CHN1: variants seen among roughly 807,000 people sequenced by gnomAD.
CHN1 encodes the protein chimerin 1.
In CHN1, 37 loss-of-function variants were observed where a neutral mutation model predicts 59.5. The observed-to-expected ratio is 0.62, with a 90% confidence interval of 0.48 to 0.82. The LOEUF is 0.82. Ranked by LOEUF, CHN1 falls within the 40% of genes least tolerant of loss-of-function variation. CHN1 has a pLI of 0.00. For synonymous variants in CHN1, 206 were observed against 200.4 expected, an observed-to-expected ratio of 1.03 and a Z score of -0.24; for missense variants, 469 against 571.0, an observed-to-expected ratio of 0.82 and a Z score of 1.82.
chr2:174,843,938 T>C (rs2105431231), intron 7 of CHN1, among the ~76,000 whole-genome samples: 1 of 151,440 alleles, frequency 6.6e-6, no homozygotes, highest in Non-Finnish European at 1.5e-5. Context: ...GAGTTTTATT[T>C]TTAATGTTAG....
rs1415714363 is a variant in CHN1, at chr2:174,802,071, GGAGTCT to G, written c.1103-265_1103-260del. ...TCCAGTTTTGTCACTTGAGTATCTT[GGAGTCT>G]GACAACTTTCGAAATTGGACATGGA... On this transcript the variant is annotated intron_variant, in intron 11 of 12. Coordinates refer to ENST00000409900, the MANE Select transcript of CHN1 (RefSeq NM_001822.7). 1.4e-5 allele frequency: 5 copies of G among 346,220 alleles called. No homozygotes were observed. In the Admixed American group the frequency reaches 2.0e-4, roughly 14 times the overall value. The allele number at this position is 346,220 out of a possible 1,614,324, so 21.4% of individuals were successfully genotyped here.
Position 174,847,643 on chromosome 2 carries a change from G to T in CHN1, c.550-686C>A, listed in dbSNP as rs992213459. ...GGATTTCACAAGGAAGGCTGCATTA[G>T]ATTGGCCACCGTAAGAAAGGAGATA... On this transcript the variant is annotated intron_variant, in intron 6 of 12. Coordinates refer to ENST00000409900, the MANE Select transcript of CHN1 (RefSeq NM_001822.7). 10 of 1,324,372 alleles carry T rather than the reference G, an allele frequency of 7.6e-6. No homozygotes were observed. The African/African-American group carries it at 1.5e-4, about 20-fold the overall frequency. 82.0% of individuals were successfully genotyped at this position (1,324,372 alleles called of 1,614,324 possible). A position where few individuals can be genotyped will look rare whatever the true frequency, so the allele number is the denominator to read the frequency against.
intron 9 of CHN1, among the ~76,000 whole-genome samples, chr2:174,811,811 G>A (rs1403854041): frequency 6.6e-6 from 1 of 152,168 alleles, no homozygotes; most frequent in African/African-American, 2.4e-5. Flanking sequence ...GTCTAATTAA[G>A]TGAAATATGT....
chr2:175,004,558 C>A (rs149412160), intron 1 of CHN1, among the ~76,000 whole-genome samples: 1 of 152,210 alleles, frequency 6.6e-6, no homozygotes, highest in Non-Finnish European at 1.5e-5. Flanking sequence ...TATTTACCGA[C>A]GGGAAAGGCA....
chr2:174,952,522 T>G (rs1690054385), intron 1 of CHN1, among the ~76,000 whole-genome samples: 1 of 152,246 alleles, frequency 6.6e-6, no homozygotes, highest in African/African-American at 2.4e-5. Context: ...TTCTTTGGGC[T>G]TAATGATTAT....
intron 8 of CHN1, among the ~76,000 whole-genome samples, chr2:174,819,720 T>G (rs1685414811): frequency 6.6e-6 from 1 of 151,974 alleles, no homozygotes; most frequent in Admixed American, 6.5e-5. Flanking sequence ...ATGTGCAGGT[T>G]AGTTACATAT....
intron 11 of CHN1, 124 bp from the exon 12 acceptor site, chr2:174,801,936 T>A: frequency 1.4e-6 from 1 of 722,046 alleles, no homozygotes; most frequent in South Asian, 1.5e-5. Flanking sequence ...TCGTAATTCC[T>A]TGTCCACAGC....
intron 11 of CHN1, among the ~76,000 whole-genome samples, chr2:174,805,863 C>T (rs1684869841): frequency 6.6e-6 from 1 of 152,168 alleles, no homozygotes; most frequent in African/African-American, 2.4e-5. Context: ...CCAGAGATTT[C>T]AAGTTGCTTG....
intron 5 of CHN1, among the ~76,000 whole-genome samples, chr2:174,883,261 G>A (rs1324375440): frequency 6.6e-6 from 1 of 152,160 alleles, no homozygotes; most frequent in Non-Finnish European, 1.5e-5. Flanking sequence ...CATGGCAGAA[G>A]ACTTAAGTTC....
chr2:174,807,318 T>C (rs1023172104), intron 11 of CHN1, among the ~76,000 whole-genome samples: 1 of 152,202 alleles, frequency 6.6e-6, no homozygotes, highest in East Asian at 1.9e-4. Context: ...GCTGATTGTG[T>C]GCCCCAGAGT....
chr2:174,860,304 A>G (rs1376758805), intron 6 of CHN1, among the ~76,000 whole-genome samples: 1 of 152,208 alleles, frequency 6.6e-6, no homozygotes, highest in Non-Finnish European at 1.5e-5. Context: ...GGGTAAAACA[A>G]TTAAACAAGT....
intron 5 of CHN1, among the ~76,000 whole-genome samples, chr2:174,910,187 A>C (rs979094762): frequency 5.3e-5 from 8 of 152,068 alleles, no homozygotes; most frequent in Non-Finnish European, 1.2e-4. Context: ...TTCTTTTTCC[A>C]GTTTTCTTCT....
At chr2:174,959,131 T>C (rs1395880095) in intron 1 of CHN1, among the ~76,000 whole-genome samples, 2 of 152,240 alleles carry the variant, frequency 1.3e-5, no homozygotes, top group African/African-American at 4.8e-5. Context: ...AAATATATTT[T>C]CCTAGCAATC....
chr2:174,992,251 T>C (rs1691567475), intron 1 of CHN1, among the ~76,000 whole-genome samples: 1 of 152,210 alleles, frequency 6.6e-6, no homozygotes, highest in Non-Finnish European at 1.5e-5. Context: ...ATGTGGCGTC[T>C]GAAGTGTCTA....
At chr2:174,961,811 T>C (rs990864276) in intron 1 of CHN1, among the ~76,000 whole-genome samples, 1 of 152,126 alleles carries the variant, frequency 6.6e-6, no homozygotes, top group African/African-American at 2.4e-5. Flanking sequence ...TTCTAGAAGA[T>C]TCAATTAGAT....
At chr2:174,895,939 TAA>T (rs1688206575) in intron 5 of CHN1, among the ~76,000 whole-genome samples, 1 of 152,106 alleles carries the variant, frequency 6.6e-6, no homozygotes, top group African/African-American at 2.4e-5. Context: ...ACATTTCTGA[TAA>T]AAGAGGAAAG....
intron 1 of CHN1, among the ~76,000 whole-genome samples, chr2:174,978,836 T>C (rs1321417131): frequency 1.3e-5 from 2 of 152,238 alleles, no homozygotes. Context: ...AGTAATAAAA[T>C]GTTTTCAAAA....
chr2:174,966,873 T>C (rs1223281055), intron 1 of CHN1, among the ~76,000 whole-genome samples: 2 of 152,170 alleles, frequency 1.3e-5, no homozygotes. Context: ...TTCCTGTCAG[T>C]CCTCTCAATG....
intron 5 of CHN1, among the ~76,000 whole-genome samples, chr2:174,885,525 T>G (rs1687870795): frequency 6.6e-6 from 1 of 151,622 alleles, no homozygotes. Context: ...TGAGACAGAG[T>G]CTCCCTGACC....
Sources: allele counts gnomAD v4.1 joint callset (sites outside exome capture counted in the v4.1 genomes callset), GRCh38; gene constraint gnomAD v4.1.1; transcripts MANE v1.5; gene names NCBI Gene and HGNC (gene_info 2026-07-23, HGNC 2026-07-21).